The following CNTNAP5 variants were observed in gnomAD, a reference collection of about 807,000 sequenced individuals.
CNTNAP5 encodes the protein contactin-associated protein-like 5.
CNTNAP5 carries 72 observed loss-of-function variants against 150.2 expected under a neutral mutation model. The observed-to-expected ratio is 0.48, with a 90% confidence interval of 0.40 to 0.58. The LOEUF (loss-of-function observed/expected upper bound fraction) is 0.58. Ranked by LOEUF, CNTNAP5 falls within the 20% of genes least tolerant of loss-of-function variation. CNTNAP5 has a pLI of 0.00. For synonymous variants in CNTNAP5, 672 were observed against 619.8 expected (o/e 1.08, Z -1.25); for missense variants, 1,636 against 1,626.2 (o/e 1.01, Z -0.10).
intron 1 of CNTNAP5, among the ~76,000 whole-genome samples, chr2:124,103,556 CTA>C (rs2104698853): frequency 6.6e-6 from 1 of 151,874 alleles, no homozygotes; most frequent in Admixed American, 6.6e-5. Flanking sequence ...CCATGTTTAG[CTA>C]TGTTAAAATA....
intron 7 of CNTNAP5, among the ~76,000 whole-genome samples, chr2:124,482,620 G>C (rs77580589): frequency 1.3e-5 from 2 of 152,066 alleles, no homozygotes; most frequent in Non-Finnish European, 2.9e-5. Context: ...GTTATTTGCC[G>C]AAGAAATCTC....
At chr2:124,126,163 G>A (rs890552851) in intron 1 of CNTNAP5, among the ~76,000 whole-genome samples, 1 of 152,100 alleles carries the variant, frequency 6.6e-6, no homozygotes, top group East Asian at 1.9e-4. Flanking sequence ...TTGATAGACT[G>A]CTAGCAAGAC....
intron 1 of CNTNAP5, among the ~76,000 whole-genome samples, chr2:124,040,621 CTG>C (rs58364625): frequency 0.05 from 7,269 of 145,098 alleles, 205 homozygotes; most frequent in Non-Finnish European, 0.069. Flanking sequence ...CTGTATGCCT[CTG>C]TGTGTGTGTG....
chr2:124,669,283 C>T (rs113178640), intron 13 of CNTNAP5, among the ~76,000 whole-genome samples: 26 of 152,314 alleles, frequency 1.7e-4, no homozygotes, highest in African/African-American at 4.8e-4. Flanking sequence ...TTTCATCAAG[C>T]TCTACAGCCG....
At chr2:124,754,965 T>A (rs546135833) in intron 14 of CNTNAP5, among the ~76,000 whole-genome samples, 2 of 152,258 alleles carry the variant, frequency 1.3e-5, no homozygotes, top group African/African-American at 4.8e-5. Context: ...AAAAAGAACT[T>A]GTAATAACAG....
intron 12 of CNTNAP5, among the ~76,000 whole-genome samples, chr2:124,637,610 C>G (rs1417499137): frequency 6.6e-6 from 1 of 152,184 alleles, no homozygotes; most frequent in Non-Finnish European, 1.5e-5. Flanking sequence ...TGCCCTGTTC[C>G]TCAACATTTC....
intron 14 of CNTNAP5, among the ~76,000 whole-genome samples, chr2:124,759,890 A>G (rs1398929912): frequency 6.7e-6 from 1 of 148,890 alleles, no homozygotes; most frequent in Non-Finnish European, 1.5e-5. Context: ...TGGCAGCCAA[A>G]TGACCTTTAA....
At chr2:124,430,733 C>T (rs533709176) in intron 4 of CNTNAP5, among the ~76,000 whole-genome samples, 30 of 152,186 alleles carry the variant, frequency 2.0e-4, no homozygotes, top group African/African-American at 2.6e-4. Flanking sequence ...TAATAGAAAA[C>T]GGAAAGCAGG....
At chr2:124,636,659 T>TGC (rs1394271352) in intron 12 of CNTNAP5, among the ~76,000 whole-genome samples, 1 of 152,154 alleles carries the variant, frequency 6.6e-6, no homozygotes, top group African/African-American at 2.4e-5. Flanking sequence ...TGTGTCTGTG[T>TGC]GTGTCTGTGT....
At chr2:124,885,506 T>C (rs114367093) in intron 21 of CNTNAP5, among the ~76,000 whole-genome samples, 1 of 151,590 alleles carries the variant, frequency 6.6e-6, no homozygotes, top group African/African-American at 2.4e-5. Context: ...ATATCCACAA[T>C]ATTTTGCAAC....
chr2:124,692,038 C>T lies in CNTNAP5; in HGVS notation c.2077+44080C>T, dbSNP rs144556508. On this transcript the variant is annotated intron_variant, in intron 13 of 23. Transcript: ENST00000682447. ...TATCTAACAGCCATGTAAAGAAGCACGAATTAGATTATTGGATGATAAGAG... is the reference window on the plus strand; with the variant it reads ...TATCTAACAGCCATGTAAAGAAGCATGAATTAGATTATTGGATGATAAGAG... Among the ~76,000 whole-genome samples, 71 of 151,990 alleles carry T rather than the reference C, an allele frequency of 4.7e-4. 1 individual carries two copies. In the East Asian group the frequency reaches 7.2e-3, roughly 15 times the overall value.
At chr2:124,618,779 G>T (rs1677542914) in intron 12 of CNTNAP5, among the ~76,000 whole-genome samples, 1 of 152,128 alleles carries the variant, frequency 6.6e-6, no homozygotes, top group Admixed American at 6.6e-5. Flanking sequence ...TGGGGAAAAT[G>T]ATTAAAATTC....
In CNTNAP5 at chr2:124,417,494, C is replaced by A. The variant is rs751786808; in HGVS notation, c.433C>A (p.His145Asn). 2 of 1,613,780 alleles carry A rather than the reference C, an allele frequency of 1.2e-6. No homozygotes were observed. Among genetic ancestry groups the A allele is most frequent in the African/African-American group, 1.3e-5 (1 of 74,920 alleles). The part of the protein sequence containing the change: ...ADSVVHHKLL[H>N]SVRARFVRFV... The stretch of plus-strand genomic sequence containing the variant: ...CAGCGTGGTGCACCACAAGCTATTG[C>A]ACTCAGTGAGAGCCCGATTTGTTCG... Residue 145 changes from histidine (H) to asparagine (N), a missense_variant, in exon 4 of 24, where the codon CAC becomes AAC. His to Asn is a moderately conservative substitution (Grantham distance 68, BLOSUM62 1). Coordinates refer to ENST00000682447, the MANE Select transcript of CNTNAP5 (RefSeq NM_001367498.1).
intron 3 of CNTNAP5, among the ~76,000 whole-genome samples, chr2:124,339,302 G>A (rs890219122): frequency 6.6e-6 from 1 of 152,100 alleles, no homozygotes; most frequent in South Asian, 2.1e-4. Context: ...GGAGACAAAT[G>A]AAAGGCTCAT....
At chr2:124,658,084 A>T (rs748637353) in intron 13 of CNTNAP5, among the ~76,000 whole-genome samples, 1 of 152,180 alleles carries the variant, frequency 6.6e-6, no homozygotes, top group Non-Finnish European at 1.5e-5. Flanking sequence ...TTGAGTGAAT[A>T]GTTGTTGAAT....
chr2:124,270,160 C>A (rs974070570), intron 3 of CNTNAP5, among the ~76,000 whole-genome samples: 2 of 152,050 alleles, frequency 1.3e-5, no homozygotes, highest in Admixed American at 6.5e-5. Context: ...TACTAAAATA[C>A]AAAAATTACC....
At chr2:124,372,279 T>C (rs1690546775) in intron 3 of CNTNAP5, among the ~76,000 whole-genome samples, 1 of 152,084 alleles carries the variant, frequency 6.6e-6, no homozygotes, top group African/African-American at 2.4e-5. Context: ...GGGACTGTGC[T>C]ATTGGCTCCC....
chr2:124,362,577 T>C (rs1298837761), intron 3 of CNTNAP5, among the ~76,000 whole-genome samples: 2 of 152,238 alleles, frequency 1.3e-5, no homozygotes, highest in African/African-American at 4.8e-5. Flanking sequence ...TTCTCTATCA[T>C]GGATGTCAGT....
intron 11 of CNTNAP5, among the ~76,000 whole-genome samples, chr2:124,604,758 G>T (rs956664972): frequency 1.3e-5 from 2 of 152,126 alleles, no homozygotes; most frequent in African/African-American, 4.8e-5. Flanking sequence ...TTTGCCCTCA[G>T]AGATCTCCCA....
Sources: gnomAD v4.1 joint callset for allele counts (sites outside exome capture counted in the v4.1 genomes callset) on GRCh38, gnomAD v4.1.1 for gene constraint, MANE v1.5 for transcripts, NCBI Gene and HGNC (gene_info 2026-07-23, HGNC 2026-07-21) for gene names.